XPO7: variants seen among roughly 807,000 people sequenced by gnomAD.
The protein encoded by XPO7 is exportin 7.
XPO7 carries 21 observed loss-of-function variants against 144.3 expected under a neutral mutation model. The observed-to-expected ratio is 0.15, with a 90% CI of 0.10 to 0.21. The LOEUF (loss-of-function observed/expected upper bound fraction) is 0.21. XPO7 is among the 10% of genes least tolerant of loss of function. The probability of loss-of-function intolerance (pLI) is 1.00; values close to 1 mark genes in which losing one functional copy is unlikely to be tolerated. For synonymous variants in XPO7, 580 were observed against 499.6 expected (o/e 1.16, Z -2.15); for missense variants, 808 against 1,325.8 (o/e 0.61, Z 6.06).
intron 1 of XPO7, among the ~76,000 whole-genome samples, chr8:21,934,558 G>A (rs1029151219): frequency 6.6e-6 from 1 of 152,020 alleles, no homozygotes; most frequent in Non-Finnish European, 1.5e-5. Flanking sequence ...AATATTTTAA[G>A]ATAGAGAACT....
At chr8:21,977,437 G>A (rs1812261320) in intron 7 of XPO7, among the ~76,000 whole-genome samples, 1 of 152,126 alleles carries the variant, frequency 6.6e-6, no homozygotes. Context: ...AAATTAGCTG[G>A]GCATGGTGGC....
At chr8:21,990,461 T>A (rs1453388889) in intron 17 of XPO7, 54 bp downstream of exon 17, 1 of 1,591,508 alleles carries the variant, frequency 6.3e-7, no homozygotes, top group African/African-American at 1.3e-5. Flanking sequence ...ACATACACTT[T>A]CTCGACACAT....
intron 21 of XPO7, among the ~76,000 whole-genome samples, chr8:21,998,509 G>A (rs1313469107): frequency 6.6e-6 from 1 of 151,986 alleles, no homozygotes; most frequent in Non-Finnish European, 1.5e-5. Flanking sequence ...ATCTACTGCT[G>A]CTTTTTTTTT....
At chr8:21,978,511 G>A (rs1812297777) in intron 8 of XPO7, among the ~76,000 whole-genome samples, 2 of 152,228 alleles carry the variant, frequency 1.3e-5, no homozygotes, top group Admixed American at 6.5e-5. Context: ...CCAAATTAAT[G>A]TAGACCTTTG....
chr8:21,979,397 CT>C (rs571937098), intron 8 of XPO7, among the ~76,000 whole-genome samples: 426 of 132,568 alleles, frequency 3.2e-3, no homozygotes, highest in African/African-American at 0.01. Context: ...TTTTTTTTTT[CT>C]TTTTTTTTTT....
chr8:21,989,019 T>C lies in XPO7; in HGVS notation c.1804T>C (p.Tyr602His), dbSNP rs764877987. The change falls in exon 16 of 28, where the codon TAC (tyrosine) becomes CAC (histidine). Residue 602 changes from tyrosine (Y) to histidine (H), a missense_variant. Transcript: ENST00000252512. ...FIGKIITNLK[Y>H]WGRCEPITSK... is the part of the protein sequence containing the mutation. ...GTCCTCCAGCATCACCAACTTGAAGTACTGGGGCCGTTGTGAACCAATCAC... is the reference window on the plus strand; with the variant it reads ...GTCCTCCAGCATCACCAACTTGAAGCACTGGGGCCGTTGTGAACCAATCAC... 1 of 1,613,730 alleles carries C rather than the reference T, an allele frequency of 6.2e-7. No individual in the cohort carries two copies. Among genetic ancestry groups the C allele is most frequent in the Non-Finnish European group, 8.5e-7 (1 of 1,179,858 alleles).
chr8:21,969,181 AT>A (rs925802114), intron 2 of XPO7, among the ~76,000 whole-genome samples: 1 of 152,102 alleles, frequency 6.6e-6, no homozygotes, highest in African/African-American at 2.4e-5. Context: ...TCTAATCTCT[AT>A]TTTTCTGAAA....
chr8:22,004,915 GC>G (rs1398860980), intron 27 of XPO7, 79 bp from the exon 28 acceptor site: 1 of 735,712 alleles, frequency 1.4e-6, no homozygotes, highest in Non-Finnish European at 2.1e-6. Context: ...TACTTCCCAT[GC>G]TTTAAAAAAA....
intron 8 of XPO7, 114 bp from the exon 9 acceptor site, chr8:21,979,970 A>C (rs1812350153): frequency 1.6e-6 from 2 of 1,236,038 alleles, no homozygotes; most frequent in Non-Finnish European, 2.1e-6. Flanking sequence ...TCTTTTTAAA[A>C]TAATGTTGCT....
At chr8:21,922,465 G>T (rs778413551) in intron 1 of XPO7, among the ~76,000 whole-genome samples, 4 of 152,086 alleles carry the variant, frequency 2.6e-5, no homozygotes, top group Admixed American at 6.6e-5. Context: ...CACCCTGAAG[G>T]CAGGGTGGTT....
intron 8 of XPO7, among the ~76,000 whole-genome samples, chr8:21,979,166 C>G (rs1043661268): frequency 6.6e-6 from 1 of 152,132 alleles, no homozygotes; most frequent in African/African-American, 2.4e-5. Flanking sequence ...CTGCCTCAGC[C>G]TCCTGAGTAG....
chr8:21,920,702 T>C (rs1810251832), intron 1 of XPO7, among the ~76,000 whole-genome samples: 1 of 152,202 alleles, frequency 6.6e-6, no homozygotes, highest in South Asian at 2.1e-4. Flanking sequence ...AGATAAAGTT[T>C]TTCCTGTCTG....
intron 11 of XPO7, among the ~76,000 whole-genome samples, chr8:21,984,061 C>T (rs1398758251): frequency 6.6e-6 from 1 of 152,112 alleles, no homozygotes; most frequent in Non-Finnish European, 1.5e-5. Context: ...GTTACAAAAC[C>T]GGACGGGAGT....
At chr8:21,989,160 T>C (rs1812676937) in intron 16 of XPO7, 77 bp downstream of exon 16, 1 of 1,354,760 alleles carries the variant, frequency 7.4e-7, no homozygotes, top group Admixed American at 2.0e-5. Flanking sequence ...CCTCCTGCTC[T>C]TTCCACTTCA....
chr8:21,999,355 CTTTT>C (rs761446502), intron 23 of XPO7, 50 bp downstream of exon 23: 19 of 1,604,040 alleles, frequency 1.2e-5, no homozygotes, highest in Admixed American at 1.7e-5. Flanking sequence ...CACATTCAGC[CTTTT>C]TCACCTGAGA....
In XPO7 at chr8:21,970,263, G is replaced by A; in HGVS notation, c.379G>A (p.Asp127Asn). Residue 127 changes from aspartate (D) to asparagine (N), a missense_variant, in exon 4 of 28, where the codon GAC (aspartate) becomes AAC (asparagine). Asp to Asn is a conservative substitution (Grantham distance 23). Transcript: ENST00000252512. ...GGGCTGGTTTGACTGTCAGAAGGAT[G>A]ACTATGTCTTCAGAAATGCAATCAC... The part of the protein sequence containing the change: ...KLGWFDCQKD[D>N]YVFRNAITDV... The A allele has an allele frequency of 6.2e-7, 1 of 1,613,758 alleles. No individual in the cohort carries two copies. The highest frequency in any genetic ancestry group is 1.3e-5 in the African/African-American group (1 of 74,964).
intron 13 of XPO7, among the ~76,000 whole-genome samples, chr8:21,986,855 T>C (rs1285186553): frequency 6.6e-6 from 1 of 152,208 alleles, no homozygotes; most frequent in African/African-American, 2.4e-5. Context: ...CAGTATCCTT[T>C]CTTTTGGGGA....
chr8:21,988,187 T>C (rs1812643698), intron 15 of XPO7, among the ~76,000 whole-genome samples: 1 of 152,196 alleles, frequency 6.6e-6, no homozygotes, highest in Non-Finnish European at 1.5e-5. Flanking sequence ...GTTGCTGTGC[T>C]CCAGGGATGC....
At chr8:21,994,263 G>T in intron 19 of XPO7, 100 bp from the exon 20 acceptor site, 1 of 813,772 alleles carries the variant, frequency 1.2e-6, no homozygotes. Flanking sequence ...ATGTTGAACT[G>T]TGAGAGAAAG....
Sources: gnomAD v4.1 joint callset for allele counts (sites outside exome capture counted in the v4.1 genomes callset) on GRCh38, gnomAD v4.1.1 for gene constraint, MANE v1.5 for transcripts, NCBI Gene and HGNC (gene_info 2026-07-23, HGNC 2026-07-21) for gene names.